Variants in TMEM135 observed in about 807,000 individuals in gnomAD.
TMEM135 encodes peroxisomal membrane protein 52.
In TMEM135, 30 loss-of-function variants were observed where a neutral mutation model predicts 60.3. That is an observed-to-expected ratio of 0.50 (90% CI 0.37 to 0.68). The LOEUF is 0.68. TMEM135 is among the 30% of genes least tolerant of loss of function. The pLI is 0.00. For synonymous variants in TMEM135, 190 were observed against 186.7 expected (o/e 1.02, Z -0.14); for missense variants, 468 against 548.8 (o/e 0.85, Z 1.47).
At chr11:87,137,700 C>T (rs549741044) in intron 4 of TMEM135, among the ~76,000 whole-genome samples, 51 of 150,782 alleles carry the variant, frequency 3.4e-4, no homozygotes, top group African/African-American at 8.8e-4. Context: ...TTTGCTTTGA[C>T]GTAAGTGTAA....
intron 6 of TMEM135, among the ~76,000 whole-genome samples, chr11:87,248,974 C>A (rs1941355633): frequency 6.6e-6 from 1 of 152,120 alleles, no homozygotes; most frequent in Non-Finnish European, 1.5e-5. Flanking sequence ...TGCAACTTTA[C>A]TGAATTTGTT....
At chr11:87,206,200 C>G (rs141807373) in intron 5 of TMEM135, among the ~76,000 whole-genome samples, 1 of 152,214 alleles carries the variant, frequency 6.6e-6, no homozygotes, top group African/African-American at 2.4e-5. Context: ...GTTGGCAAAA[C>G]TTCAGAAACA....
At chr11:87,072,860 T>C (rs1160941257) in intron 3 of TMEM135, among the ~76,000 whole-genome samples, 4 of 152,220 alleles carry the variant, frequency 2.6e-5, no homozygotes, top group Non-Finnish European at 5.9e-5. Context: ...ATCTCATGAA[T>C]AATTGTTTTT....
At chr11:87,094,295 C>G (rs79023472) in intron 4 of TMEM135, among the ~76,000 whole-genome samples, 246 of 152,250 alleles carry the variant, frequency 1.6e-3, no homozygotes, top group African/African-American at 5.7e-3. Context: ...CTATATAATA[C>G]TTTTCTGAAG....
chr11:87,308,528 G>T (rs1370890614), intron 9 of TMEM135, among the ~76,000 whole-genome samples: 1 of 152,060 alleles, frequency 6.6e-6, no homozygotes, highest in Non-Finnish European at 1.5e-5. Flanking sequence ...AAAGAAAGCT[G>T]CAGTCCAGAA....
intron 9 of TMEM135, among the ~76,000 whole-genome samples, chr11:87,307,897 C>T (rs528430402): frequency 1.1e-4 from 16 of 152,282 alleles, no homozygotes; most frequent in African/African-American, 3.9e-4. Context: ...ACCTGCCAGC[C>T]TCTTAATTGG....
chr11:87,055,112 C>G (rs1005384256), intron 1 of TMEM135, among the ~76,000 whole-genome samples: 1 of 152,144 alleles, frequency 6.6e-6, no homozygotes, highest in African/African-American at 2.4e-5. Context: ...CAGAATGTTA[C>G]TAGGCTGTTT....
intron 1 of TMEM135, among the ~76,000 whole-genome samples, chr11:87,057,483 T>C (rs1949904664): frequency 6.6e-6 from 1 of 152,172 alleles, no homozygotes; most frequent in African/African-American, 2.4e-5. Context: ...AATGCACTGG[T>C]TGTGAGTTAC....
Position 87,218,647 on chromosome 11 carries a change from C to T in TMEM135, c.463-17991C>T, listed in dbSNP as rs184668279. Reference sequence around the variant, plus strand: ...GTTGGAGCCATTCATGATTCCAAGCCGTCAACTCACAGGGCTATAAAAATG... The same window carrying T: ...GTTGGAGCCATTCATGATTCCAAGCTGTCAACTCACAGGGCTATAAAAATG... On this transcript the variant is annotated intron_variant, in intron 5 of 14. Transcript: ENST00000305494. Among the ~76,000 whole-genome samples the T allele has an allele frequency of 6.2e-4, 95 of 152,196 alleles. 1 individual carries two copies. Among genetic ancestry groups the T allele is most frequent in the Admixed American group, 5.3e-3 (81 of 15,290 alleles).
intron 5 of TMEM135, among the ~76,000 whole-genome samples, chr11:87,219,260 A>G (rs1291295697): frequency 6.6e-6 from 1 of 152,170 alleles, no homozygotes; most frequent in Non-Finnish European, 1.5e-5. Flanking sequence ...TTAATCTACC[A>G]AGGCTACCGT....
At chr11:87,206,014 A>G (rs963353622) in intron 5 of TMEM135, among the ~76,000 whole-genome samples, 3 of 152,136 alleles carry the variant, frequency 2.0e-5, no homozygotes, top group African/African-American at 7.2e-5. Flanking sequence ...TGTTTTTCTT[A>G]TATCTGTAGG....
intron 4 of TMEM135, among the ~76,000 whole-genome samples, chr11:87,119,895 A>C (rs1289532763): frequency 6.6e-6 from 1 of 152,144 alleles, no homozygotes; most frequent in Admixed American, 6.5e-5. Context: ...TAAAAAAAAA[A>C]AAACAGTATC....
intron 5 of TMEM135, among the ~76,000 whole-genome samples, chr11:87,175,244 A>G (rs1331208595): frequency 6.6e-6 from 1 of 152,234 alleles, no homozygotes; most frequent in Non-Finnish European, 1.5e-5. Flanking sequence ...GAATCACATC[A>G]TAAAACATTA....
At position 87,323,452 on chromosome 11, in the gene TMEM135, C is replaced by T. The variant is rs1205170214; in HGVS notation, c.*2119C>T. ...GAAGACAATCAGAATGATTACCTTT[C>T]TACCTCTAACTAATCAGGTATTGAT... is the stretch of plus-strand genomic sequence containing the variant. On this transcript the variant is annotated 3_prime_UTR_variant, in exon 15 of 15. Transcript: ENST00000305494. The T allele has an allele frequency of 2.2e-6, 1 of 454,010 alleles. No homozygotes were observed. Among genetic ancestry groups the T allele is most frequent in the Non-Finnish European group, 4.4e-6 (1 of 226,752 alleles). 28.1% of individuals were successfully genotyped at this position (454,010 alleles called of 1,614,324 possible).
At chr11:87,098,299 G>C (rs898575365) in intron 4 of TMEM135, among the ~76,000 whole-genome samples, 2 of 152,112 alleles carry the variant, frequency 1.3e-5, no homozygotes, top group African/African-American at 2.4e-5. Flanking sequence ...AAACCTAGAT[G>C]TTTATTTTAA....
At chr11:87,085,259 G>C (rs1244628494) in intron 3 of TMEM135, among the ~76,000 whole-genome samples, 1 of 152,010 alleles carries the variant, frequency 6.6e-6, no homozygotes, top group Non-Finnish European at 1.5e-5. Context: ...ATTCTCTCCG[G>C]GTCTGAATTC....
chr11:87,326,749 A>C lies in TMEM135; in HGVS notation c.*5416A>C. On this transcript the variant is annotated 3_prime_UTR_variant, in exon 15 of 15. Coordinates refer to ENST00000305494, the MANE Select transcript of TMEM135 (RefSeq NM_022918.4). ...TCAGGGAAAATTGAAGGTAAATAAT[A>C]TCTGCAAAGCTTCAGGAAGAAATTC... 1 of 446,660 alleles carries C rather than the reference A, an allele frequency of 2.2e-6. No homozygotes were observed. The highest frequency in any genetic ancestry group is 4.4e-6 in the Non-Finnish European group (1 of 225,070). The allele number at this position is 446,660 out of a possible 1,614,324, so 27.7% of individuals were successfully genotyped here. A position where few individuals can be genotyped will look rare whatever the true frequency, so the allele number is the denominator to read the frequency against.
intron 5 of TMEM135, among the ~76,000 whole-genome samples, chr11:87,208,497 C>T (rs1256618555): frequency 6.6e-6 from 1 of 151,382 alleles, no homozygotes; most frequent in Non-Finnish European, 1.5e-5. Context: ...TTTAAGCACG[C>T]ATGCAGATAA....
In TMEM135 at chr11:87,295,893, A is replaced by G. The variant is rs1245348557; in HGVS notation, c.551+70A>G. The G allele has an allele frequency of 7.7e-5, 93 of 1,207,784 alleles. No homozygotes were observed. The East Asian group carries it at 2.2e-3, about 28-fold the overall frequency. The allele number at this position is 1,207,784 out of a possible 1,614,324, so 74.8% of individuals were successfully genotyped here. ...ACTTAAAAAATTATACATAATTACAATAAATAGGTATTGACTAAGCATTTA... is the reference window on the plus strand; with the variant it reads ...ACTTAAAAAATTATACATAATTACAGTAAATAGGTATTGACTAAGCATTTA... On this transcript the variant is annotated intron_variant, in intron 7 of 14. Transcript: ENST00000305494.
Sources: gnomAD v4.1 joint callset for allele counts (sites outside exome capture counted in the v4.1 genomes callset) on GRCh38, gnomAD v4.1.1 for gene constraint, MANE v1.5 for transcripts, NCBI Gene and HGNC (gene_info 2026-07-23, HGNC 2026-07-21) for gene names.